The following GALNT13 variants were observed in gnomAD, a reference collection of about 807,000 sequenced individuals.
The protein encoded by GALNT13 is UDP-GalNAc:polypeptide N-acetylgalactosaminyltransferase 13.
In GALNT13, 28 loss-of-function variants were observed where a neutral mutation model predicts 64.2. That is an observed-to-expected ratio of 0.44 (90% CI 0.32 to 0.60). GALNT13 has a LOEUF of 0.60. GALNT13 is among the 20% of genes least tolerant of loss of function. The pLI is 0.05. For missense variants in GALNT13, 577 were observed against 669.8 expected (o/e 0.86, Z 1.53); for synonymous variants, 214 against 224.6 (o/e 0.95, Z 0.42).
At chr2:153,311,491 A>G in the GALNT13 span, among the ~76,000 whole-genome samples, 2 of 152,234 alleles carry the variant, frequency 1.3e-5, no homozygotes, top group Admixed American at 6.5e-5. Flanking sequence ...GGTCAGGAAC[A>G]CGGGAACAGT....
chr2:154,361,444 T>C (rs1254941742), intron 9 of GALNT13, among the ~76,000 whole-genome samples: 1 of 152,092 alleles, frequency 6.6e-6, no homozygotes, highest in Admixed American at 6.6e-5. Flanking sequence ...TCTTATGACT[T>C]TGTGATTCAA....
At chr2:153,590,231 A>G in the GALNT13 span, among the ~76,000 whole-genome samples, 1 of 152,136 alleles carries the variant, frequency 6.6e-6, no homozygotes, top group South Asian at 2.1e-4. Context: ...AAACTAGAAA[A>G]CTTAGAGGAA....
intron 9 of GALNT13, among the ~76,000 whole-genome samples, chr2:154,393,572 C>A (rs1698899182): frequency 6.6e-6 from 1 of 152,066 alleles, no homozygotes; most frequent in African/African-American, 2.4e-5. Context: ...GTTAAGATAG[C>A]CCACCATATT....
chr2:154,163,647 G>C (rs1684864971), intron 4 of GALNT13, among the ~76,000 whole-genome samples: 1 of 152,058 alleles, frequency 6.6e-6, no homozygotes, highest in African/African-American at 2.4e-5. Flanking sequence ...AGCATAATCA[G>C]AATCATATCT....
the GALNT13 span, among the ~76,000 whole-genome samples, chr2:153,134,575 T>C: frequency 6.6e-6 from 1 of 152,168 alleles, no homozygotes; most frequent in Non-Finnish European, 1.5e-5. Flanking sequence ...GAGAAAGTTG[T>C]CTTTGCTATC....
At chr2:153,600,410 T>C in the GALNT13 span, among the ~76,000 whole-genome samples, 1 of 152,182 alleles carries the variant, frequency 6.6e-6, no homozygotes, top group South Asian at 2.1e-4. Context: ...TTAGCACTTT[T>C]GTTGCAAACA....
the GALNT13 span, among the ~76,000 whole-genome samples, chr2:153,834,367 A>G: frequency 1.3e-5 from 2 of 152,180 alleles, no homozygotes; most frequent in Non-Finnish European, 2.9e-5. Flanking sequence ...TCTCTAAAAT[A>G]TGCCAGGGCA....
intron 9 of GALNT13, among the ~76,000 whole-genome samples, chr2:154,344,138 C>T (rs182841668): frequency 6.6e-6 from 1 of 152,126 alleles, no homozygotes; most frequent in Non-Finnish European, 1.5e-5. Context: ...TAGATAGTGT[C>T]ATTAACCTCA....
At chr2:153,622,234 G>A in the GALNT13 span, among the ~76,000 whole-genome samples, 29,611 of 151,892 alleles carry the variant, frequency 0.19, 3,069 homozygotes, top group African/African-American at 0.25. Flanking sequence ...ACATACATAC[G>A]CAGTGAACTT....
At chr2:154,274,889 C>T (rs1015908881) in intron 8 of GALNT13, among the ~76,000 whole-genome samples, 16 of 152,024 alleles carry the variant, frequency 1.1e-4, no homozygotes, top group Non-Finnish European at 1.9e-4. Context: ...TTCCTAGAGA[C>T]TTGTTTAATG....
chr2:153,270,439 T>A, the GALNT13 span, among the ~76,000 whole-genome samples: 1 of 152,210 alleles, frequency 6.6e-6, no homozygotes, highest in Admixed American at 6.5e-5. Context: ...AACCTGCAAG[T>A]GATAGAGGTC....
chr2:153,324,946 T>C, the GALNT13 span, among the ~76,000 whole-genome samples: 1 of 152,104 alleles, frequency 6.6e-6, no homozygotes, highest in Non-Finnish European at 1.5e-5. Flanking sequence ...AATTTTCTTT[T>C]TTTGTTGTGT....
At chr2:153,746,699 C>G in the GALNT13 span, among the ~76,000 whole-genome samples, 1 of 152,042 alleles carries the variant, frequency 6.6e-6, no homozygotes, top group Non-Finnish European at 1.5e-5. Flanking sequence ...TGGAAGCTGC[C>G]AAATAGGCAG....
the GALNT13 span, among the ~76,000 whole-genome samples, chr2:153,319,901 T>C: frequency 9.9e-5 from 15 of 152,032 alleles, no homozygotes; most frequent in Admixed American, 9.8e-4. Context: ...AGTCAATACT[T>C]GCAGAGAAAA....
chr2:154,043,146 G>A (rs929926944), intron 3 of GALNT13, among the ~76,000 whole-genome samples: 3 of 151,970 alleles, frequency 2.0e-5, no homozygotes, highest in African/African-American at 7.2e-5. Context: ...AAGAAAACCA[G>A]TATGGATTAA....
intron 9 of GALNT13, among the ~76,000 whole-genome samples, chr2:154,367,458 C>G (rs894996316): frequency 3.3e-5 from 5 of 152,144 alleles, no homozygotes; most frequent in African/African-American, 1.2e-4. Flanking sequence ...TAAAACATTC[C>G]TGAAAATCCT....
Position 154,129,916 on chromosome 2 carries a change from C to T in GALNT13, c.143-10421C>T, listed in dbSNP as rs184010296. 4.2e-3 allele frequency among the ~76,000 whole-genome samples: 639 copies of T among 152,118 alleles called. 4 individuals carry two copies. The highest frequency in any genetic ancestry group is 0.014 in the African/African-American group (586 of 41,494). On this transcript the variant is annotated intron_variant, in intron 3 of 12. Transcript: ENST00000392825. ...GCTGGCGAACCTGTTAGCTACTGCTCATGGTTTAGTTCAGGTTCCTACCTC... is the reference window on the plus strand; with the variant it reads ...GCTGGCGAACCTGTTAGCTACTGCTTATGGTTTAGTTCAGGTTCCTACCTC...
chr2:153,100,953 C>T, the GALNT13 span, among the ~76,000 whole-genome samples: 3 of 152,002 alleles, frequency 2.0e-5, no homozygotes, highest in African/African-American at 2.4e-5. Context: ...CGCTGGAACC[C>T]GAGAGGCAGA....
At chr2:153,996,991 G>A (rs769565071) in intron 3 of GALNT13, among the ~76,000 whole-genome samples, 1 of 152,068 alleles carries the variant, frequency 6.6e-6, no homozygotes, top group Non-Finnish European at 1.5e-5. Context: ...GAGATGCATG[G>A]ATTTGTTTCT....
Sources: gnomAD v4.1 joint callset for allele counts (sites outside exome capture counted in the v4.1 genomes callset) on GRCh38, gnomAD v4.1.1 for gene constraint, MANE v1.5 for transcripts, NCBI Gene and HGNC (gene_info 2026-07-23, HGNC 2026-07-21) for gene names.